Variants in MPPE1 observed in about 807,000 individuals in gnomAD.
The protein encoded by MPPE1 is metallophosphoesterase 1.
In MPPE1, 28 loss-of-function variants were observed where a neutral mutation model predicts 43.8. The observed-to-expected ratio is 0.64, with a 90% CI of 0.47 to 0.88. The LOEUF is 0.88. MPPE1 is among the 40% of genes least tolerant of loss of function. MPPE1 has a pLI of 0.00. For synonymous variants in MPPE1, 159 were observed against 188.5 expected, an observed-to-expected ratio of 0.84 and a Z score of 1.28; for missense variants, 428 against 492.2, an observed-to-expected ratio of 0.87 and a Z score of 1.23.
chr18:11,896,854 G>T, intron 3 of MPPE1, 130 bp downstream of exon 3: 1 of 833,734 alleles, frequency 1.2e-6, no homozygotes, highest in Non-Finnish European at 1.9e-6. Context: ...AAAGTCAAAT[G>T]TCCCTAAATG....
intron 3 of MPPE1, among the ~76,000 whole-genome samples, chr18:11,893,863 G>A (rs1002257582): frequency 1.9e-4 from 29 of 152,178 alleles, no homozygotes; most frequent in African/African-American, 6.8e-4. Flanking sequence ...ACTCGGTCAA[G>A]ACAGCAACTG....
rs111620924 is a variant in MPPE1, at chr18:11,887,482, G to A, written c.570-457C>T. Among the ~76,000 whole-genome samples, 424 of 152,292 alleles carry A rather than the reference G, an allele frequency of 2.8e-3. 3 individuals carry two copies. Among genetic ancestry groups the A allele is most frequent in the Admixed American group, 0.011 (164 of 15,302 alleles). ...ACGTGTCAGATATTGTGACTAACAG[G>A]TAGAGGGAACCACAGAGTGCATCAG... On this transcript the variant is annotated intron_variant, in intron 6 of 10. Transcript: ENST00000588072.
chr18:11,895,965 C>T (rs76949561), intron 3 of MPPE1, among the ~76,000 whole-genome samples: 1 of 152,024 alleles, frequency 6.6e-6, no homozygotes, highest in Admixed American at 6.6e-5. Context: ...GACCAGACAT[C>T]AATCAGGATC....
rs2036852381 is a variant in MPPE1, at chr18:11,884,281, A to ACAAT, written c.*160_*163dup. On this transcript the variant is annotated 3_prime_UTR_variant, in exon 11 of 11. Coordinates refer to ENST00000588072, the MANE Select transcript of MPPE1 (RefSeq NM_023075.6). ...TCCACTTTTATAGCATGAGAACAGT[A>ACAAT]CAATCAACTATTTATTTTGCAGTTA... The ACAAT allele has an allele frequency of 4.5e-6, 3 of 668,684 alleles. No homozygotes were observed. The highest frequency in any genetic ancestry group is 3.7e-5 in the South Asian group (2 of 54,450). 41.4% of individuals were successfully genotyped at this position (668,684 alleles called of 1,614,324 possible).
rs2037291774 is a variant in MPPE1 at position 11,886,585 on chromosome 18, A to T, written c.781T>A (p.Ser261Thr). ...TCTGCAGGAGCAGCGTCTTCCCCAG[A>T]ACAGTTAGCATCACTTCTCCGATAC... ...PLYRRSDANC[S>T]GEDAAPAEER... Residue 261 changes from serine to threonine, a missense_variant, in exon 9 of 11, where the codon TCT becomes ACT. Ser to Thr is a moderately conservative substitution (Grantham distance 58). Around this residue, in one of 3 missense-constraint regions of MPPE1, gnomAD observed 379 missense variants for 402.5 expected, o/e 0.94. Coordinates refer to ENST00000588072, the MANE Select transcript of MPPE1 (RefSeq NM_023075.6). This position sits in a 1 kb window ranked among gnomAD's most constrained non-coding sequence, Gnocchi z 4.1. The T allele has an allele frequency of 6.2e-7, 1 of 1,614,200 alleles. No homozygotes were observed. The highest frequency in any genetic ancestry group is 1.3e-5 in the African/African-American group (1 of 75,048).
intron 4 of MPPE1, among the ~76,000 whole-genome samples, chr18:11,892,333 C>T (rs2038082492): frequency 6.8e-6 from 1 of 148,064 alleles, no homozygotes; most frequent in Non-Finnish European, 1.5e-5. Context: ...GAGTGAGACT[C>T]CATCCCCCAT....
At chr18:11,888,567 A>G in intron 6 of MPPE1, 102 bp downstream of exon 6, 1 of 707,544 alleles carries the variant, frequency 1.4e-6, no homozygotes, top group Non-Finnish European at 2.4e-6. Flanking sequence ...ACCAGGCTAA[A>G]CAGAACGCAG....
intron 4 of MPPE1, among the ~76,000 whole-genome samples, chr18:11,890,651 C>T (rs1295580861): frequency 6.6e-6 from 1 of 152,178 alleles, no homozygotes; most frequent in African/African-American, 2.4e-5. Context: ...CATCTTAAAA[C>T]AATAACTGGC....
intron 2 of MPPE1, among the ~76,000 whole-genome samples, chr18:11,900,014 C>T (rs1021007157): frequency 1.3e-5 from 2 of 152,068 alleles, no homozygotes; most frequent in Non-Finnish European, 2.9e-5. Flanking sequence ...GAGTTCGAGA[C>T]CAGCCTGGCC....
chr18:11,886,839 C>T lies in MPPE1; in HGVS notation c.679-61G>A, dbSNP rs1330901581. The T allele has an allele frequency of 5.0e-6, 8 of 1,597,568 alleles. No individual in the cohort carries two copies. The highest frequency in any genetic ancestry group is 2.2e-5 in the East Asian group (1 of 44,500). On this transcript the variant is annotated intron_variant, in intron 7 of 10. Transcript: ENST00000588072. This position sits in a 1 kb window ranked among gnomAD's most constrained non-coding sequence, Gnocchi z 4.1. ...CTGACCCTCATCAAAGGGCAAGAAGCGCTAGGGGGCTGAGTGAGCAACCGA... is the reference window on the plus strand; with the variant it reads ...CTGACCCTCATCAAAGGGCAAGAAGTGCTAGGGGGCTGAGTGAGCAACCGA...
At chr18:11,894,527 T>G (rs150942653) in intron 3 of MPPE1, among the ~76,000 whole-genome samples, 1 of 152,156 alleles carries the variant, frequency 6.6e-6, no homozygotes, top group African/African-American at 2.4e-5. Flanking sequence ...GCTGTGAGGC[T>G]TTGAAAAAAT....
chr18:11,886,770 G>A lies in MPPE1; in HGVS notation c.687C>T (p.Gly229=). Residue 229 remains glycine, a synonymous_variant, in exon 8 of 11, where the codon GGC becomes GGT. Coordinates refer to ENST00000588072, the MANE Select transcript of MPPE1 (RefSeq NM_023075.6). This position sits in a 1 kb window ranked among gnomAD's most constrained non-coding sequence, Gnocchi z 4.1. ...GAGGCCCAGGTCCACACCGGCTGGA[G>A]CCACGTGCCTGCTGGGTACAAGTCA... ...HRLNCSREAR[G]SSRCGPGPLL... The A allele has an allele frequency of 6.2e-7, 1 of 1,612,976 alleles. No individual in the cohort carries two copies. The highest frequency in any genetic ancestry group is 8.5e-7 in the Non-Finnish European group (1 of 1,179,804).
intron 6 of MPPE1, among the ~76,000 whole-genome samples, chr18:11,887,761 A>G (rs2037506142): frequency 6.6e-6 from 1 of 152,228 alleles, no homozygotes; most frequent in African/African-American, 2.4e-5. Flanking sequence ...GGAGTTATCA[A>G]GTGATCAGCA....
At chr18:11,899,936 G>A (rs947190301) in intron 2 of MPPE1, among the ~76,000 whole-genome samples, 1 of 151,978 alleles carries the variant, frequency 6.6e-6, no homozygotes, top group African/African-American at 2.4e-5. Context: ...TCCTGGCTGG[G>A]TGCAGTGGCT....
intron 10 of MPPE1, 24 bp downstream of exon 10, chr18:11,885,652 G>C (rs1354524822): frequency 6.3e-7 from 1 of 1,598,092 alleles, no homozygotes; most frequent in Non-Finnish European, 8.6e-7. Flanking sequence ...AAAGCTTTCA[G>C]ACAAAAATAA....
chr18:11,906,808 C>A lies in MPPE1; in HGVS notation c.-199-499G>T, dbSNP rs1486338361. On this transcript the variant is annotated intron_variant, in intron 1 of 10. Transcript: ENST00000588072. Reference sequence around the variant, plus strand: ...GGCGGAGGTTGTAGTGAGCCGAGATCGCGCCATTGCACTCCAGCCTGGGCA... The same window carrying A: ...GGCGGAGGTTGTAGTGAGCCGAGATAGCGCCATTGCACTCCAGCCTGGGCA... Among the ~76,000 whole-genome samples, 3 of 149,412 alleles carry A rather than the reference C, an allele frequency of 2.0e-5. No individual in the cohort carries two copies. In the East Asian group the frequency reaches 5.9e-4, roughly 29 times the overall value.
intron 2 of MPPE1, among the ~76,000 whole-genome samples, chr18:11,899,848 C>T (rs1269007636): frequency 1.3e-5 from 2 of 152,142 alleles, no homozygotes; most frequent in Non-Finnish European, 2.9e-5. Context: ...CCTCATTTCC[C>T]CAGGGTCTAA....
At chr18:11,889,519 C>G (rs1206107521) in intron 4 of MPPE1, 29 bp from the exon 5 acceptor site, 2 of 1,538,932 alleles carry the variant, frequency 1.3e-6, no homozygotes, top group Non-Finnish European at 1.8e-6. Flanking sequence ...CTGCTGAGAG[C>G]CAGAGAACCA....
At chr18:11,895,868 A>G (rs1485075492) in intron 3 of MPPE1, among the ~76,000 whole-genome samples, 2 of 151,624 alleles carry the variant, frequency 1.3e-5, no homozygotes, top group African/African-American at 4.8e-5. Flanking sequence ...CCAGCTTCTC[A>G]GTCTCTCTTG....
Sources: allele counts gnomAD v4.1 joint callset (sites outside exome capture counted in the v4.1 genomes callset), GRCh38; gene constraint gnomAD v4.1.1; regional missense constraint gnomAD v4.1.1; non-coding constraint Gnocchi (gnomAD v3.1); transcripts MANE v1.5; gene names NCBI Gene and HGNC (gene_info 2026-07-23, HGNC 2026-07-21).